The following TCF12 variants were observed in gnomAD, a reference collection of about 807,000 sequenced individuals.
The protein encoded by TCF12 is DNA-binding protein HTF4.
TCF12 carries 45 observed loss-of-function variants against 86.0 expected under a neutral mutation model. The observed-to-expected ratio is 0.52, with a 90% CI of 0.41 to 0.67. The LOEUF is 0.67. Ranked by LOEUF, TCF12 falls within the 30% of genes least tolerant of loss-of-function variation. TCF12 has a pLI of 0.00. For synonymous variants in TCF12, 330 were observed against 299.6 expected (o/e 1.10, Z -1.05); for missense variants, 881 against 859.9 (o/e 1.02, Z -0.31).
intron 12 of TCF12, among the ~76,000 whole-genome samples, chr15:57,241,099 A>ATT (rs562526535): frequency 4.8e-5 from 7 of 145,586 alleles, no homozygotes; most frequent in Admixed American, 2.7e-4. Flanking sequence ...AATAATATTG[A>ATT]TTTTTTTTTT....
At chr15:57,122,685 CATTTT>C (rs1240370542) in intron 5 of TCF12, among the ~76,000 whole-genome samples, 1 of 152,196 alleles carries the variant, frequency 6.6e-6, no homozygotes, top group African/African-American at 2.4e-5. Context: ...TTCATCCCAT[CATTTT>C]ATTTCCTGGT....
chr15:56,953,136 A>T (rs1388697293), intron 3 of TCF12, among the ~76,000 whole-genome samples: 1 of 152,002 alleles, frequency 6.6e-6, no homozygotes, highest in African/African-American at 2.4e-5. Flanking sequence ...ATTCGTTAGT[A>T]TGGCTTATTA....
chr15:57,151,169 C>T (rs1364258714), intron 5 of TCF12, among the ~76,000 whole-genome samples: 1 of 132,788 alleles, frequency 7.5e-6, no homozygotes, highest in Non-Finnish European at 1.6e-5. Context: ...TTTTTAGAGA[C>T]AGGGTCTTAC....
At chr15:57,117,522 T>C (rs1024612845) in intron 5 of TCF12, among the ~76,000 whole-genome samples, 2 of 152,246 alleles carry the variant, frequency 1.3e-5, no homozygotes, top group African/African-American at 4.8e-5. Context: ...TTAGAGTTAC[T>C]TTCCTACAAG....
rs544681425 is a variant in TCF12 at position 56,921,859 on chromosome 15, A to G, written c.148+761A>G. ...TTTCATAACCACCTAAACACTTTAT[A>G]CCACTTTACATTCTAAAAAGTTTGT... On this transcript the variant is annotated intron_variant, in intron 3 of 20. Transcript: ENST00000333725. Among the ~76,000 whole-genome samples, 8 of 152,144 alleles carry G rather than the reference A, an allele frequency of 5.3e-5. No individual in the cohort carries two copies. In the South Asian group the frequency reaches 8.3e-4, roughly 16 times the overall value.
chr15:57,272,999 TAA>T (rs2061214381), intron 18 of TCF12, 29 bp from the exon 19 acceptor site: 1 of 1,598,370 alleles, frequency 6.3e-7, no homozygotes, highest in South Asian at 1.1e-5. Context: ...ATAGGAAACC[TAA>T]TAGACCTTGT....
At chr15:57,162,904 G>C (rs1179861154) in intron 5 of TCF12, among the ~76,000 whole-genome samples, 4 of 151,862 alleles carry the variant, frequency 2.6e-5, no homozygotes, top group African/African-American at 9.7e-5. Flanking sequence ...GATGGAGTGT[G>C]GTGGCTCACG....
intron 3 of TCF12, among the ~76,000 whole-genome samples, chr15:56,931,127 T>C (rs1365463168): frequency 2.6e-5 from 4 of 151,788 alleles, no homozygotes; most frequent in Non-Finnish European, 4.4e-5. Context: ...CTTTTTGTTC[T>C]CAAAAGTCTC....
At chr15:57,029,752 C>T (rs894072642) in intron 3 of TCF12, among the ~76,000 whole-genome samples, 2 of 152,146 alleles carry the variant, frequency 1.3e-5, no homozygotes, top group African/African-American at 4.8e-5. Flanking sequence ...CCTCTTAATC[C>T]CTGGCAGCCA....
chr15:57,126,286 C>A (rs1567474104), intron 5 of TCF12, among the ~76,000 whole-genome samples: 1 of 152,078 alleles, frequency 6.6e-6, no homozygotes, highest in Non-Finnish European at 1.5e-5. Flanking sequence ...CCTCAACAGT[C>A]CATAGTAATT....
intron 4 of TCF12, among the ~76,000 whole-genome samples, chr15:57,064,210 T>A (rs1174081244): frequency 1.3e-5 from 2 of 152,192 alleles, no homozygotes; most frequent in Non-Finnish European, 2.9e-5. Context: ...TCAACAGTCA[T>A]CAGCCCTTTG....
intron 18 of TCF12, among the ~76,000 whole-genome samples, chr15:57,268,718 TG>T (rs769346995): frequency 7.2e-5 from 11 of 152,174 alleles, no homozygotes; most frequent in South Asian, 6.3e-4. Context: ...CTCCCTCATA[TG>T]TTTTTTTTTC....
chr15:57,177,442 TG>T (rs2056004857), intron 6 of TCF12, among the ~76,000 whole-genome samples: 1 of 151,820 alleles, frequency 6.6e-6, no homozygotes, highest in African/African-American at 2.4e-5. Flanking sequence ...GATAACTTTT[TG>T]TATTTTCGGT....
At chr15:57,176,757 A>G (rs2055940291) in intron 6 of TCF12, among the ~76,000 whole-genome samples, 1 of 152,228 alleles carries the variant, frequency 6.6e-6, no homozygotes, top group Non-Finnish European at 1.5e-5. Flanking sequence ...AAACTTTGTG[A>G]CTGGAAAAAA....
At chr15:57,081,814 C>G (rs2070688057) in intron 4 of TCF12, among the ~76,000 whole-genome samples, 1 of 152,148 alleles carries the variant, frequency 6.6e-6, no homozygotes. Context: ...AGTGATCCAC[C>G]AGCCTCAGCC....
At chr15:57,212,621 AT>A (rs1485901483) in intron 8 of TCF12, among the ~76,000 whole-genome samples, 3 of 152,172 alleles carry the variant, frequency 2.0e-5, no homozygotes, top group African/African-American at 7.2e-5. Flanking sequence ...TCATAATGGA[AT>A]TTTAAAAAAA....
At chr15:57,019,936 T>A (rs1005749900) in intron 3 of TCF12, among the ~76,000 whole-genome samples, 4 of 152,192 alleles carry the variant, frequency 2.6e-5, no homozygotes, top group African/African-American at 9.7e-5. Flanking sequence ...GGGACTGTTA[T>A]CATCCTTGCT....
At chr15:57,166,268 A>C in intron 5 of TCF12, 134 bp from the exon 6 acceptor site, 2 of 690,616 alleles carry the variant, frequency 2.9e-6, no homozygotes, top group South Asian at 4.8e-5. Flanking sequence ...CAAATTATTG[A>C]ATTGTATCCT....
At chr15:56,955,991 CT>C (rs199519010) in intron 3 of TCF12, among the ~76,000 whole-genome samples, 3 of 151,984 alleles carry the variant, frequency 2.0e-5, no homozygotes, top group Non-Finnish European at 2.9e-5. Context: ...AAAATGACCC[CT>C]TTTTTTCTGA....
Sources: gnomAD v4.1 joint callset for allele counts (sites outside exome capture counted in the v4.1 genomes callset) on GRCh38, gnomAD v4.1.1 for gene constraint, MANE v1.5 for transcripts, NCBI Gene and HGNC (gene_info 2026-07-23, HGNC 2026-07-21) for gene names.